The following KIAA0586 variants were observed in gnomAD, a reference collection of about 807,000 sequenced individuals.
KIAA0586 encodes the protein KIAA0586.
Under a neutral mutation model 169.8 loss-of-function variants are expected in KIAA0586, and 144 were observed. The ratio of observed to expected loss-of-function variants is 0.85; its 90% confidence interval spans 0.74 to 0.97. The LOEUF (loss-of-function observed/expected upper bound fraction) is 0.97, where lower values mean the gene tolerates loss of function less well. KIAA0586 is among the 50% of genes least tolerant of loss of function. KIAA0586 has a pLI of 0.00. For missense variants in KIAA0586, 1,854 were observed against 1,823.0 expected (o/e 1.02, Z -0.31); for synonymous variants, 625 against 612.4 (o/e 1.02, Z -0.30).
At chr14:58,485,612 G>C (rs1318241455) in intron 21 of KIAA0586, among the ~76,000 whole-genome samples, 1 of 152,126 alleles carries the variant, frequency 6.6e-6, no homozygotes, top group African/African-American at 2.4e-5. Context: ...CTCTGAGGAA[G>C]GGCTCTAGGT....
chr14:58,498,032 C>T (rs1331221793), intron 26 of KIAA0586, among the ~76,000 whole-genome samples: 1 of 151,956 alleles, frequency 6.6e-6, no homozygotes, highest in Non-Finnish European at 1.5e-5. Context: ...TGCCTGCCAC[C>T]ATGCCCAGCT....
chr14:58,458,527 T>C lies in KIAA0586; in HGVS notation c.1638T>C (p.Thr546=), dbSNP rs1053351715. Residue 546 remains threonine, a synonymous_variant, in exon 12 of 31, where the codon ACT becomes ACC. Transcript: ENST00000652326. ...IRKTVDEWIK[T]ISAEIQDELS... ...AGACAGTGGATGAATGGATTAAAAC[T>C]ATTTCTGCAGAAATTCAGGTATGTC... 3.9e-6 allele frequency: 6 copies of C among 1,538,918 alleles called. No individual in the cohort carries two copies. Among genetic ancestry groups the C allele is most frequent in the Non-Finnish European group, 5.3e-6 (6 of 1,138,298 alleles).
intron 29 of KIAA0586, among the ~76,000 whole-genome samples, chr14:58,526,646 C>T (rs2045604282): frequency 6.6e-6 from 1 of 152,184 alleles, no homozygotes; most frequent in Non-Finnish European, 1.5e-5. Context: ...CAGAACACCT[C>T]TTCTTCAAAG....
At chr14:58,428,666 CT>C (rs33975443) in intron 1 of KIAA0586, among the ~76,000 whole-genome samples, 1,146 of 74,132 alleles carry the variant, frequency 0.015, 9 homozygotes, top group African/African-American at 0.04. Context: ...CCCTGTTGTG[CT>C]TTTTTTTTTT....
chr14:58,506,546 G>A (rs1223320769), intron 27 of KIAA0586, among the ~76,000 whole-genome samples: 2 of 152,004 alleles, frequency 1.3e-5, no homozygotes, highest in Non-Finnish European at 2.9e-5. Flanking sequence ...AATTAGACAG[G>A]TGTGGTGGCG....
At chr14:58,522,819 C>A (rs1236685657) in intron 29 of KIAA0586, among the ~76,000 whole-genome samples, 1 of 152,140 alleles carries the variant, frequency 6.6e-6, no homozygotes, top group Non-Finnish European at 1.5e-5. Context: ...AGCGTGGCAA[C>A]AAGTGTGTTA....
In KIAA0586 at chr14:58,432,471, A is replaced by G; in HGVS notation, c.410+14A>G. On this transcript the variant is annotated intron_variant, in intron 4 of 30. Coordinates refer to ENST00000652326, the MANE Select transcript of KIAA0586 (RefSeq NM_001329943.3). The stretch of plus-strand genomic sequence containing the variant: ...TTTAAAGCAAAAGTAAGTTTCATTT[A>G]CAGAAAATAATTGGACCATTTCTTA... The G allele has an allele frequency of 1.4e-6, 2 of 1,428,758 alleles. No homozygotes were observed. Among genetic ancestry groups the G allele is most frequent in the Non-Finnish European group, 1.9e-6 (2 of 1,033,968 alleles). The allele number at this position is 1,428,758 out of a possible 1,614,324, so 88.5% of individuals were successfully genotyped here. A position where few individuals can be genotyped will look rare whatever the true frequency, so the allele number is the denominator to read the frequency against.
At chr14:58,540,268 TG>T (rs952572160) in intron 30 of KIAA0586, 132 bp downstream of exon 30, 1 of 584,348 alleles carries the variant, frequency 1.7e-6, no homozygotes. Context: ...CTGTAATATC[TG>T]TAAATTCACC....
Position 58,461,005 on chromosome 14 carries a change from C to T in KIAA0586, c.1904C>T (p.Thr635Ile). ...ERKEGLLKAT[T>I]VIQDEDYMLQ... Reference sequence around the variant, plus strand: ...ACACAGGGGCTTTTGAAAGCAACCACAGTAATACAAGATGAAGATTATATG... The same window carrying T: ...ACACAGGGGCTTTTGAAAGCAACCATAGTAATACAAGATGAAGATTATATG... Residue 635 changes from threonine to isoleucine, a missense_variant, in exon 14 of 31, where the codon ACA becomes ATA. Physicochemically the swap from Thr to Ile is moderately conservative, Grantham distance 89. Transcript: ENST00000652326. The T allele has an allele frequency of 6.2e-7, 1 of 1,602,954 alleles. No individual in the cohort carries two copies. Among genetic ancestry groups the T allele is most frequent in the Non-Finnish European group, 8.5e-7 (1 of 1,175,740 alleles).
chr14:58,541,904 A>G (rs554540847), intron 30 of KIAA0586, among the ~76,000 whole-genome samples: 3 of 152,318 alleles, frequency 2.0e-5, no homozygotes, highest in Non-Finnish European at 4.4e-5. Flanking sequence ...TGTTGAAACA[A>G]TTACATCATA....
In KIAA0586 at chr14:58,444,482, AG is replaced by A. The variant is rs141342684; in HGVS notation, c.807+308del. Among the ~76,000 whole-genome samples, 2,383 of 152,178 alleles carry A rather than the reference AG, an allele frequency of 0.016. 24 individuals are homozygous for A. The highest frequency in any genetic ancestry group is 0.022 in the Non-Finnish European group (1,528 of 68,002). ...ATGGTTGCCCAGGCTGAAGTACAGT[AG>A]TAGAATCTCCAGTCACTACAACCTC... On this transcript the variant is annotated intron_variant, in intron 6 of 30. Transcript: ENST00000652326.
At chr14:58,451,640 GAGAAACTTAAC>G (rs2039397037) in intron 8 of KIAA0586, among the ~76,000 whole-genome samples, 1 of 152,214 alleles carries the variant, frequency 6.6e-6, no homozygotes, top group Non-Finnish European at 1.5e-5. Context: ...ATAAAACGTA[GAGAAACTTAAC>G]ATTCATCACC....
rs1209146969 is a variant in KIAA0586 at position 58,428,086 on chromosome 14, G to T, written c.-179G>T. The T allele has an allele frequency of 1.2e-5, 17 of 1,450,378 alleles. No homozygotes were observed. Among genetic ancestry groups the T allele is most frequent in the Middle Eastern group, 5.1e-4 (2 of 3,928 alleles). 89.8% of individuals were successfully genotyped at this position (1,450,378 alleles called of 1,614,324 possible). A position where few individuals can be genotyped will look rare whatever the true frequency, so the allele number is the denominator to read the frequency against. On this transcript the variant is annotated 5_prime_UTR_variant, in exon 1 of 31. An upstream start codon of the reference 5' UTR is lost. Coordinates refer to ENST00000652326, the MANE Select transcript of KIAA0586 (RefSeq NM_001329943.3). ...CTGAGTGGGATTAATGGGTAAATAT[G>T]ACTTTATAGTCAGCTCTAATCCTGG... is the stretch of plus-strand genomic sequence containing the variant.
At chr14:58,543,132 A>C (rs1389829387) in intron 30 of KIAA0586, among the ~76,000 whole-genome samples, 1 of 15,246 alleles carries the variant, frequency 6.6e-5, no homozygotes, top group Non-Finnish European at 1.1e-4. Context: ...ATTACGTCTC[A>C]AAAAAAAAAA....
At chr14:58,450,097 A>T (rs1036323600) in intron 7 of KIAA0586, among the ~76,000 whole-genome samples, 2 of 152,158 alleles carry the variant, frequency 1.3e-5, no homozygotes, top group Non-Finnish European at 2.9e-5. Flanking sequence ...AATCTACTTG[A>T]CCATTATCCT....
chr14:58,452,633 C>A (rs2039484713), intron 8 of KIAA0586, among the ~76,000 whole-genome samples: 1 of 152,146 alleles, frequency 6.6e-6, no homozygotes, highest in Non-Finnish European at 1.5e-5. Context: ...TTATCAAATT[C>A]CTTTTTTCTG....
intron 15 of KIAA0586, 26 bp from the exon 16 acceptor site, chr14:58,467,709 C>T (rs2040875216): frequency 6.5e-7 from 1 of 1,545,758 alleles, no homozygotes; most frequent in African/African-American, 1.4e-5. Context: ...AACTAGTTGA[C>T]TTATTTTTTC....
At chr14:58,551,892 C>A (rs980942213), downstream of KIAA0586, among the ~76,000 whole-genome samples, 3 of 152,002 alleles carry the variant, frequency 2.0e-5, no homozygotes, top group Admixed American at 2.0e-4. Context: ...AATATTTCTG[C>A]GATGTTACTA....
At chr14:58,473,825 G>C (rs2041406726) in intron 18 of KIAA0586, among the ~76,000 whole-genome samples, 1 of 152,054 alleles carries the variant, frequency 6.6e-6, no homozygotes, top group East Asian at 1.9e-4. Flanking sequence ...AGAATTGCTT[G>C]AACCCAGGAG....
Sources: gnomAD v4.1 joint callset for allele counts (sites outside exome capture counted in the v4.1 genomes callset) on GRCh38, gnomAD v4.1.1 for gene constraint, MANE v1.5 for transcripts, NCBI Gene and HGNC (gene_info 2026-07-23, HGNC 2026-07-21) for gene names.